ERC1: variants seen among roughly 807,000 people sequenced by gnomAD.
ERC1 encodes ELKS/RAB6-interacting/CAST family member 1.
ERC1 carries 56 observed loss-of-function variants against 132.0 expected under a neutral mutation model. That is an observed-to-expected ratio of 0.42 (90% CI 0.34 to 0.53). The LOEUF (loss-of-function observed/expected upper bound fraction) is 0.53. ERC1 is among the 20% of genes least tolerant of loss of function. The pLI, the probability that ERC1 is intolerant of heterozygous loss-of-function variation, is 0.03. For synonymous variants in ERC1, 478 were observed against 476.1 expected (o/e 1.00, Z -0.05); for missense variants, 1,202 against 1,349.9 (o/e 0.89, Z 1.72).
chr12:1,380,050 C>T (rs1157722382), intron 16 of ERC1: 3 of 152,118 alleles, frequency 2.0e-5, no homozygotes, highest in Admixed American at 1.3e-4. Flanking sequence ...AAAGACACAC[C>T]GAGCAAAAAT....
intron 15 of ERC1, among the ~76,000 whole-genome samples, chr12:1,304,933 G>A (rs1440966069): frequency 1.3e-5 from 2 of 151,232 alleles, no homozygotes; most frequent in African/African-American, 2.4e-5. Context: ...GGGACTACAG[G>A]CGCCCGCCCC....
chr12:1,107,198 C>G (rs1945356851), intron 4 of ERC1, among the ~76,000 whole-genome samples: 3 of 152,100 alleles, frequency 2.0e-5, no homozygotes, highest in Admixed American at 1.3e-4. Flanking sequence ...TCCCCTTTCT[C>G]TACTATTTTT....
chr12:1,342,652 CAG>C (rs1345161383), intron 15 of ERC1, among the ~76,000 whole-genome samples: 1 of 152,080 alleles, frequency 6.6e-6, no homozygotes, highest in Non-Finnish European at 1.5e-5. Flanking sequence ...AAGGATAAAT[CAG>C]AGAAGAGAGC....
chr12:1,235,183 A>G (rs2075331060), intron 12 of ERC1, among the ~76,000 whole-genome samples: 2 of 152,314 alleles, frequency 1.3e-5, no homozygotes, highest in Admixed American at 6.5e-5. Context: ...CATAGGCAAC[A>G]TAGTGAAACC....
chr12:1,194,711 A>C (rs565150932), intron 12 of ERC1, among the ~76,000 whole-genome samples: 116 of 152,258 alleles, frequency 7.6e-4, no homozygotes, highest in South Asian at 3.5e-3. Flanking sequence ...CTCTAGTATG[A>C]GATTGTTAGA....
chr12:1,145,491 C>G, intron 8 of ERC1, among the ~76,000 whole-genome samples: 1 of 152,078 alleles, frequency 6.6e-6, no homozygotes, highest in East Asian at 1.9e-4. Flanking sequence ...TTGTCAGTTG[C>G]ATAGTTTGTG....
chr12:1,347,382 T>C (rs890997636), intron 15 of ERC1, among the ~76,000 whole-genome samples: 7 of 152,228 alleles, frequency 4.6e-5, no homozygotes, highest in Non-Finnish European at 8.8e-5. Context: ...ATGTCCATCA[T>C]GTACAACATG....
chr12:1,110,573 A>T (rs1016878002), intron 5 of ERC1, among the ~76,000 whole-genome samples: 2 of 152,242 alleles, frequency 1.3e-5, no homozygotes, highest in African/African-American at 4.8e-5. Context: ...AATTCTCTGT[A>T]TGAGGCTACA....
intron 12 of ERC1, among the ~76,000 whole-genome samples, chr12:1,224,198 C>T (rs1005686519): frequency 1.3e-5 from 2 of 152,128 alleles, no homozygotes; most frequent in Non-Finnish European, 2.9e-5. Flanking sequence ...TTCATCTTTT[C>T]CAGTTAATTC....
Position 1,475,272 on chromosome 12 carries a change from G to A in ERC1, c.3214-14821G>A, listed in dbSNP as rs748667937. 3.9e-5 allele frequency among the ~76,000 whole-genome samples: 6 copies of A among 152,258 alleles called. No individual in the cohort carries two copies. In the East Asian group the frequency reaches 7.7e-4, roughly 20 times the overall value. The stretch of plus-strand genomic sequence containing the variant: ...TTAAATAGCTCTTTAGAACATTATC[G>A]AGGCCTTTCCCCAGAATTAATATCT... On this transcript the variant is annotated intron_variant, in intron 18 of 18. Transcript: ENST00000360905.
intron 15 of ERC1, among the ~76,000 whole-genome samples, chr12:1,344,896 C>T (rs569734763): frequency 6.6e-6 from 1 of 152,266 alleles, no homozygotes; most frequent in South Asian, 2.1e-4. Context: ...AGAACACATG[C>T]TTTTTCTTGT....
chr12:1,327,115 C>G (rs1486303372), intron 15 of ERC1, among the ~76,000 whole-genome samples: 2 of 152,044 alleles, frequency 1.3e-5, no homozygotes, highest in East Asian at 1.9e-4. Flanking sequence ...CATTACTGGC[C>G]TTGTTTTGAT....
intron 12 of ERC1, among the ~76,000 whole-genome samples, chr12:1,231,961 G>A (rs1488958306): frequency 2.6e-5 from 4 of 152,066 alleles, no homozygotes; most frequent in Non-Finnish European, 2.9e-5. Flanking sequence ...GATAGTCTTC[G>A]ATCTCCTGAC....
chr12:1,097,025 T>C (rs925815278), intron 3 of ERC1, among the ~76,000 whole-genome samples: 2 of 152,246 alleles, frequency 1.3e-5, no homozygotes, highest in African/African-American at 4.8e-5. Flanking sequence ...AAGAATTATG[T>C]CTTTGTTTTG....
In ERC1 at chr12:1,463,909, A is replaced by T. The variant is rs116048569; in HGVS notation, c.3213+19159A>T. Among the ~76,000 whole-genome samples the T allele has an allele frequency of 3.0e-3, 464 of 152,150 alleles. 2 individuals are homozygous for T. The highest frequency in any genetic ancestry group is 0.02 in the Middle Eastern group (6 of 294). On this transcript the variant is annotated intron_variant, in intron 18 of 18. Transcript: ENST00000360905. ...AGGAAAAGCTTGCTTTAAAAAAAAAAGAGGCAGGGAATATGGGGAAGGTTG... is the reference window on the plus strand; with the variant it reads ...AGGAAAAGCTTGCTTTAAAAAAAAATGAGGCAGGGAATATGGGGAAGGTTG...
chr12:1,341,069 CT>C (rs35902573), intron 15 of ERC1, among the ~76,000 whole-genome samples: 6 of 63,150 alleles, frequency 9.5e-5, no homozygotes, highest in Middle Eastern at 8.1e-3. Flanking sequence ...TTTTCTTTTT[CT>C]TTTTTTTTTT....
intron 16 of ERC1, chr12:1,390,473 C>T (rs1268640783): frequency 1.3e-5 from 2 of 152,008 alleles, no homozygotes; most frequent in Non-Finnish European, 2.9e-5. Flanking sequence ...TAAATTGATA[C>T]ATTACTGAGT....
chr12:1,142,218 A>G (rs1026769159), intron 8 of ERC1, among the ~76,000 whole-genome samples: 6 of 151,972 alleles, frequency 3.9e-5, no homozygotes, highest in Admixed American at 3.9e-4. Context: ...ATATATGAGC[A>G]AAAAAAATGT....
chr12:1,400,137 G>T (rs1324813409), intron 16 of ERC1, among the ~76,000 whole-genome samples: 1 of 152,090 alleles, frequency 6.6e-6, no homozygotes, highest in Non-Finnish European at 1.5e-5. Flanking sequence ...TTGCTTCTCC[G>T]TTGTTCCTGT....
Sources: allele counts gnomAD v4.1 joint callset (sites outside exome capture counted in the v4.1 genomes callset), GRCh38; gene constraint gnomAD v4.1.1; transcripts MANE v1.5; gene names NCBI Gene and HGNC (gene_info 2026-07-23, HGNC 2026-07-21).